Variants in ANK1 observed in about 807,000 individuals in gnomAD.
ANK1 encodes the protein ankyrin-1.
A neutral mutation model predicts 210.4 loss-of-function variants in ANK1; 51 were observed. That is an observed-to-expected ratio of 0.24 (90% CI 0.19 to 0.31). The LOEUF is 0.31. ANK1 is among the 10% of genes least tolerant of loss of function. The pLI is 1.00. For synonymous variants in ANK1, 967 were observed against 1,025.9 expected (o/e 0.94, Z 1.10); for missense variants, 2,051 against 2,504.4 (o/e 0.82, Z 3.86).
intron 18 of ANK1, among the ~76,000 whole-genome samples, chr8:41,705,425 G>C (rs998310129): frequency 6.6e-6 from 1 of 152,186 alleles, no homozygotes; most frequent in African/African-American, 2.4e-5. Context: ...GGCAGTTGGA[G>C]ACAAAACACA....
intron 2 of ANK1, among the ~76,000 whole-genome samples, chr8:41,746,868 T>TA (rs35245035): frequency 0.29 from 39,573 of 138,662 alleles, 5,761 homozygotes; most frequent in East Asian, 0.55. Flanking sequence ...TGGTATTCTT[T>TA]AAAAAAAAAA....
chr8:41,708,733 TTGTTATCCAGCACTCCAG>T lies in ANK1; in HGVS notation c.1998+27_1998+44del, dbSNP rs752209893. ...ATGCTCAATATGAAGACACCACACG[TTGTTATCCAGCACTCCAG>T]GGCAGATCCGAAGACACCATGCCTA... is the stretch of plus-strand genomic sequence containing the variant. On this transcript the variant is annotated intron_variant, in intron 17 of 42. Coordinates refer to ENST00000289734, the MANE Select transcript of ANK1 (RefSeq NM_000037.4). The T allele has an allele frequency of 4.4e-6, 7 of 1,604,068 alleles. No individual in the cohort carries two copies. The East Asian group carries it at 1.6e-4, about 36-fold the overall frequency.
At chr8:41,681,600 C>A (rs971577197) in intron 37 of ANK1, among the ~76,000 whole-genome samples, 1 of 152,226 alleles carries the variant, frequency 6.6e-6, no homozygotes, top group Non-Finnish European at 1.5e-5. Context: ...CTCAGACATG[C>A]AGAGGGACCA....
chr8:41,664,977 C>G, intron 39 of ANK1: 1 of 1,614,190 alleles, frequency 6.2e-7, no homozygotes, highest in Non-Finnish European at 8.5e-7. Context: ...CAGGAAGAAG[C>G]TCAGCAGCAC....
intron 3 of ANK1, among the ~76,000 whole-genome samples, chr8:41,730,071 C>T (rs898196936): frequency 2.6e-5 from 4 of 152,230 alleles, no homozygotes; most frequent in African/African-American, 9.6e-5. Flanking sequence ...TAATCCATTT[C>T]AAGAAACTTA....
At chr8:41,802,949 G>GGGAGAGAGAAA (rs1491442673) in intron 1 of ANK1, among the ~76,000 whole-genome samples, 5 of 20,632 alleles carry the variant, frequency 2.4e-4, no homozygotes, top group African/African-American at 1.2e-3. Flanking sequence ...GAGAGAGAAA[G>GGGAGAGAGAAA]GGGGGGGGGG....
chr8:41,838,717 A>G (rs990248435), intron 1 of ANK1, among the ~76,000 whole-genome samples: 1 of 151,768 alleles, frequency 6.6e-6, no homozygotes, highest in South Asian at 2.1e-4. Context: ...GTGAGCCTGG[A>G]TCGTACCATT....
intron 1 of ANK1, among the ~76,000 whole-genome samples, chr8:41,788,406 A>G (rs1846883524): frequency 6.6e-6 from 1 of 152,286 alleles, no homozygotes; most frequent in East Asian, 1.9e-4. Flanking sequence ...GCATTAAGTC[A>G]GTTTCCAAAC....
In ANK1 at chr8:41,718,220, A is replaced by G; in HGVS notation, c.1108-16T>C. On this transcript the variant is annotated splice_polypyrimidine_tract_variant and intron_variant, in intron 10 of 42. Transcript: ENST00000289734. Reference sequence around the variant, plus strand: ...TAAAGCCATTCTGCAGCCCACACAAAGGGAGACAGACAAGCAGGAGCTTAC... The same window carrying G: ...TAAAGCCATTCTGCAGCCCACACAAGGGGAGACAGACAAGCAGGAGCTTAC... 6.2e-7 allele frequency: 1 copy of G among 1,611,614 alleles called. No homozygotes were observed. Among genetic ancestry groups the G allele is most frequent in the Non-Finnish European group, 8.5e-7 (1 of 1,178,496 alleles).
At chr8:41,723,509 T>C in intron 8 of ANK1, 26 bp downstream of exon 8, 1 of 1,613,124 alleles carries the variant, frequency 6.2e-7, no homozygotes, top group Non-Finnish European at 8.5e-7. Context: ...TCCCCCTGCC[T>C]GGCTACAGCA....
intron 24 of ANK1, among the ~76,000 whole-genome samples, chr8:41,697,181 G>T (rs760812048): frequency 3.9e-5 from 6 of 152,198 alleles, no homozygotes; most frequent in Non-Finnish European, 7.3e-5. Context: ...TGACCGCCTC[G>T]CCAGTTAGCT....
chr8:41,760,977 T>TG (rs757046281), intron 1 of ANK1, among the ~76,000 whole-genome samples: 1 of 151,760 alleles, frequency 6.6e-6, no homozygotes, highest in Non-Finnish European at 1.5e-5. Context: ...CTGGAACCTG[T>TG]GAAGGTGACC....
intron 1 of ANK1, among the ~76,000 whole-genome samples, chr8:41,816,248 T>C (rs1405279489): frequency 6.6e-6 from 1 of 152,160 alleles, no homozygotes; most frequent in African/African-American, 2.4e-5. Context: ...AGTTAAATAA[T>C]TGGACTTTTG....
At chr8:41,655,956 A>G (rs1002416361) in intron 42 of ANK1, among the ~76,000 whole-genome samples, 2 of 152,190 alleles carry the variant, frequency 1.3e-5, no homozygotes, top group African/African-American at 4.8e-5. Context: ...CTTGCTCCCT[A>G]TGCAGAGGCT....
intron 1 of ANK1, among the ~76,000 whole-genome samples, chr8:41,779,053 G>C (rs569938221): frequency 7.2e-5 from 11 of 152,232 alleles, no homozygotes; most frequent in Non-Finnish European, 1.3e-4. Flanking sequence ...GTTCAGTCCC[G>C]GAGGCCTTTA....
At chr8:41,743,426 G>A (rs541441162) in intron 2 of ANK1, among the ~76,000 whole-genome samples, 2 of 152,214 alleles carry the variant, frequency 1.3e-5, no homozygotes, top group South Asian at 2.1e-4. Context: ...TCCTCAAATC[G>A]CCTACATCAA....
chr8:41,769,115 A>G (rs533381975), intron 1 of ANK1, among the ~76,000 whole-genome samples: 19 of 152,372 alleles, frequency 1.2e-4, no homozygotes, highest in South Asian at 4.1e-4. Context: ...GGGTGTTGCC[A>G]AAAAGAGGGA....
At chr8:41,832,527 G>A in intron 1 of ANK1, among the ~76,000 whole-genome samples, 1 of 152,134 alleles carries the variant, frequency 6.6e-6, no homozygotes. Flanking sequence ...CCCACCCCCA[G>A]GCTGTCCCAA....
chr8:41,832,872 G>A (rs1180677252), intron 1 of ANK1, among the ~76,000 whole-genome samples: 3 of 152,194 alleles, frequency 2.0e-5, no homozygotes, highest in South Asian at 4.1e-4. Flanking sequence ...ACACCAGAAG[G>A]TAATCCATTA....
Sources: allele counts gnomAD v4.1 joint callset (sites outside exome capture counted in the v4.1 genomes callset), GRCh38; gene constraint gnomAD v4.1.1; transcripts MANE v1.5; gene names NCBI Gene and HGNC (gene_info 2026-07-23, HGNC 2026-07-21).